GCA: variants seen among roughly 807,000 people sequenced by gnomAD.
GCA encodes the protein grancalcin.
In GCA, 30 loss-of-function variants were observed where a neutral mutation model predicts 32.6. The observed-to-expected ratio is 0.92, with a 90% CI of 0.69 to 1.25. GCA has a LOEUF of 1.25. Among genes scored for constraint, GCA ranks in the 50% most tolerant of loss-of-function variants. The pLI is 0.00. For missense variants in GCA, 291 were observed against 266.8 expected, an observed-to-expected ratio of 1.09 and a Z score of -0.63; for synonymous variants, 102 against 84.6, an observed-to-expected ratio of 1.21 and a Z score of -1.13.
chr2:162,339,501 T>C (rs1208808935), upstream of GCA, among the ~76,000 whole-genome samples: 2 of 152,150 alleles, frequency 1.3e-5, no homozygotes, highest in Non-Finnish European at 2.9e-5. Flanking sequence ...CTTTCAGATT[T>C]TGTGTGCTAT....
At chr2:162,328,584 G>A (rs1401130263) in intron 1 of GCA, among the ~76,000 whole-genome samples, 1 of 152,076 alleles carries the variant, frequency 6.6e-6, no homozygotes, top group Non-Finnish European at 1.5e-5. Context: ...CAGGCTGTGG[G>A]GCTCCGACCT....
chr2:162,333,201 G>T (rs569627302), intron 1 of GCA, among the ~76,000 whole-genome samples: 1 of 152,068 alleles, frequency 6.6e-6, no homozygotes, highest in Non-Finnish European at 1.5e-5. Flanking sequence ...TTTTGTTGAA[G>T]GTGGGAAAGG....
chr2:162,322,606 G>A, intron 1 of GCA, among the ~76,000 whole-genome samples: 1 of 133,214 alleles, frequency 7.5e-6, no homozygotes, highest in Non-Finnish European at 1.5e-5. Context: ...TCCTTCCTGT[G>A]TCCATGTGTT....
At chr2:162,372,507 A>G (rs1685991807), downstream of GCA, among the ~76,000 whole-genome samples, 1 of 152,150 alleles carries the variant, frequency 6.6e-6, no homozygotes, top group African/African-American at 2.4e-5. Context: ...GTCAGATAAT[A>G]TTACCTAAAT....
chr2:162,330,861 A>C (rs923061283), intron 1 of GCA, among the ~76,000 whole-genome samples: 1 of 152,234 alleles, frequency 6.6e-6, no homozygotes, highest in African/African-American at 2.4e-5. Flanking sequence ...TTGCTTCTAG[A>C]GAAAATGCAG....
intron 5 of GCA, chr2:162,357,116 T>C (rs1685319628): frequency 2.4e-6 from 1 of 425,008 alleles, no homozygotes; most frequent in Non-Finnish European, 4.3e-6. Context: ...TGATCTTCCA[T>C]ACATGCATAC....
chr2:162,322,205 T>C (rs1683696969), intron 1 of GCA, among the ~76,000 whole-genome samples: 1 of 150,772 alleles, frequency 6.6e-6, no homozygotes, highest in South Asian at 2.1e-4. Context: ...ATAAAAACTT[T>C]TCTACATAGC....
At chr2:162,373,370 G>T (rs758768379), downstream of GCA, 13 of 796,888 alleles carry the variant, frequency 1.6e-5, no homozygotes, top group Non-Finnish European at 2.4e-5. Context: ...GATAGGGACA[G>T]AAATCTGCCT....
intron 3 of GCA, among the ~76,000 whole-genome samples, chr2:162,353,623 T>A (rs1314845041): frequency 6.6e-6 from 1 of 152,240 alleles, no homozygotes; most frequent in Non-Finnish European, 1.5e-5. Context: ...CCATTGTTTC[T>A]AGCGTCCCTT....
chr2:162,325,896 G>A (rs992599112), intron 1 of GCA, among the ~76,000 whole-genome samples: 1 of 152,148 alleles, frequency 6.6e-6, no homozygotes, highest in East Asian at 1.9e-4. Context: ...AGTCCTGTAG[G>A]GAGACGGGGA....
chr2:162,371,209 C>A, intron 4 of GCA: 2 of 449,114 alleles, frequency 4.5e-6, no homozygotes, highest in African/African-American at 2.0e-5. Context: ...ATAGAAAGAC[C>A]TTTGTTCTCA....
intron 1 of GCA, among the ~76,000 whole-genome samples, chr2:162,331,182 A>G (rs1192509163): frequency 1.3e-5 from 2 of 152,260 alleles, no homozygotes; most frequent in East Asian, 3.8e-4. Flanking sequence ...CAAAAAGGAT[A>G]CTTATTTATA....
chr2:162,355,750 C>A (rs934732289), intron 3 of GCA, among the ~76,000 whole-genome samples: 1 of 150,598 alleles, frequency 6.6e-6, no homozygotes, highest in Non-Finnish European at 1.5e-5. Flanking sequence ...TTTTCTCCCC[C>A]CAACCCCCGA....
chr2:162,374,098 T>TAATATA, downstream of GCA, among the ~76,000 whole-genome samples: 1 of 152,242 alleles, frequency 6.6e-6, no homozygotes, highest in Non-Finnish European at 1.5e-5. Context: ...GATAATTTCT[T>TAATATA]ATGTGTTTTT....
rs772026958 is a variant in GCA, at chr2:162,360,269, G to A, written c.*26G>A. 3 of 1,581,986 alleles carry A rather than the reference G, an allele frequency of 1.9e-6. No homozygotes were observed. In the Admixed American group the frequency reaches 5.3e-5, roughly 28 times the overall value. Reference sequence around the variant, plus strand: ...ATGCTTAGAATTTTAAACCTGAAGAGACACTGTGAATTCTTTTGTTTGGAA... The same window carrying A: ...ATGCTTAGAATTTTAAACCTGAAGAAACACTGTGAATTCTTTTGTTTGGAA... On this transcript the variant is annotated 3_prime_UTR_variant, in exon 8 of 8. Coordinates refer to ENST00000437150, the MANE Select transcript of GCA (RefSeq NM_012198.5).
downstream of GCA, among the ~76,000 whole-genome samples, chr2:162,364,372 G>A (rs11886251): frequency 3.1e-3 from 463 of 151,542 alleles, no homozygotes; most frequent in African/African-American, 0.011. Context: ...ACTTTTGGAT[G>A]CATATTTAAT....
upstream of GCA, among the ~76,000 whole-genome samples, chr2:162,339,157 C>T (rs929406873): frequency 1.2e-4 from 18 of 151,990 alleles, no homozygotes; most frequent in Non-Finnish European, 1.0e-4. Context: ...TTCTTCTGTC[C>T]TCACTGGTGG....
downstream of GCA, among the ~76,000 whole-genome samples, chr2:162,367,544 CAAG>C (rs144609539): frequency 3.7e-3 from 558 of 151,986 alleles, 4 homozygotes; most frequent in African/African-American, 0.013. Flanking sequence ...ATGTTTATAA[CAAG>C]GAGATTGACA....
At chr2:162,321,907 TATATATA>T (rs1683684244) in intron 1 of GCA, among the ~76,000 whole-genome samples, 1 of 110,964 alleles carries the variant, frequency 9.0e-6, no homozygotes, top group African/African-American at 3.8e-5. Context: ...TATATATATA[TATATATA>T]TATATATATA....
Sources: gnomAD v4.1 joint callset for allele counts (sites outside exome capture counted in the v4.1 genomes callset) on GRCh38, gnomAD v4.1.1 for gene constraint, MANE v1.5 for transcripts, NCBI Gene and HGNC (gene_info 2026-07-23, HGNC 2026-07-21) for gene names.